OPCML: variants seen among roughly 807,000 people sequenced by gnomAD.
OPCML encodes the protein opioid binding protein/cell adhesion molecule like, also known as opioid-binding protein/cell adhesion molecule.
Under a neutral mutation model 37.8 loss-of-function variants are expected in OPCML, and 13 were observed. The ratio of observed to expected loss-of-function variants is 0.34; its 90% CI spans 0.22 to 0.55. The LOEUF (loss-of-function observed/expected upper bound fraction) is 0.55, where lower values mean the gene tolerates loss of function less well. Among genes scored for constraint, OPCML ranks in the 20% least tolerant of loss-of-function variants. The pLI is 0.91. For missense variants in OPCML, 341 were observed against 435.6 expected (o/e 0.78, Z 1.93); for synonymous variants, 176 against 168.8 (o/e 1.04, Z -0.33).
At chr11:133,325,000 T>C (rs373902468) in intron 1 of OPCML, among the ~76,000 whole-genome samples, 7 of 152,190 alleles carry the variant, frequency 4.6e-5, no homozygotes, top group African/African-American at 1.4e-4. Flanking sequence ...ACTGCATCTA[T>C]GATGAGGATT....
At chr11:133,087,991 G>A (rs961919388) in intron 1 of OPCML, among the ~76,000 whole-genome samples, 2 of 152,144 alleles carry the variant, frequency 1.3e-5, no homozygotes, top group Admixed American at 1.3e-4. Context: ...TGTGTAGCAC[G>A]ATAAAATAAA....
chr11:132,506,887 G>A (rs1297021542), intron 4 of OPCML, among the ~76,000 whole-genome samples: 2 of 151,538 alleles, frequency 1.3e-5, no homozygotes, highest in Non-Finnish European at 2.9e-5. Flanking sequence ...CCTGCAAGTG[G>A]GTTAAACTCC....
chr11:132,829,185 C>G (rs1252756020), intron 2 of OPCML, among the ~76,000 whole-genome samples: 1 of 152,144 alleles, frequency 6.6e-6, no homozygotes, highest in Non-Finnish European at 1.5e-5. Context: ...CAAGTATAAT[C>G]TGGTATCTCT....
At chr11:132,676,125 G>C (rs1300956408) in intron 2 of OPCML, among the ~76,000 whole-genome samples, 2 of 152,152 alleles carry the variant, frequency 1.3e-5, no homozygotes, top group African/African-American at 4.8e-5. Context: ...TGAGAATTCA[G>C]AAATAAACTC....
At chr11:132,891,369 C>G (rs1943642298) in intron 2 of OPCML, among the ~76,000 whole-genome samples, 1 of 152,158 alleles carries the variant, frequency 6.6e-6, no homozygotes, top group South Asian at 2.1e-4. Context: ...CCCTTTTCAA[C>G]CTTTCTTGCC....
chr11:132,441,933 C>A (rs2096037135), intron 4 of OPCML, among the ~76,000 whole-genome samples: 1 of 152,074 alleles, frequency 6.6e-6, no homozygotes, highest in South Asian at 2.1e-4. Flanking sequence ...ATACAAAGAG[C>A]ATGAAACATC....
At chr11:132,973,620 C>T (rs1016525993) in intron 1 of OPCML, among the ~76,000 whole-genome samples, 5 of 152,158 alleles carry the variant, frequency 3.3e-5, no homozygotes, top group African/African-American at 1.2e-4. Context: ...AGAAGTCAAG[C>T]ACAGTTAAGG....
chr11:133,427,849 T>C (rs572478305), intron 1 of OPCML, among the ~76,000 whole-genome samples: 1 of 152,144 alleles, frequency 6.6e-6, no homozygotes. Flanking sequence ...CTTAGGAGCG[T>C]ATACTCTCCA....
chr11:133,318,714 C>A (rs553321741), intron 1 of OPCML, among the ~76,000 whole-genome samples: 1 of 152,110 alleles, frequency 6.6e-6, no homozygotes, highest in Non-Finnish European at 1.5e-5. Context: ...CACGCTACAG[C>A]GGTTACTGGC....
intron 4 of OPCML, among the ~76,000 whole-genome samples, chr11:132,490,820 G>GAA (rs531599212): frequency 1.7e-5 from 2 of 117,912 alleles, no homozygotes; most frequent in African/African-American, 3.0e-5. Flanking sequence ...CAAAAAAAAA[G>GAA]AAAAAAAAAA....
intron 1 of OPCML, among the ~76,000 whole-genome samples, chr11:133,352,409 T>C (rs1057146868): frequency 2.0e-5 from 3 of 152,234 alleles, no homozygotes; most frequent in African/African-American, 7.2e-5. Context: ...AGTTGTTTTC[T>C]TCTCACACTA....
intron 1 of OPCML, among the ~76,000 whole-genome samples, chr11:133,371,105 A>G (rs1243415376): frequency 1.3e-5 from 2 of 152,182 alleles, no homozygotes; most frequent in Admixed American, 6.5e-5. Flanking sequence ...ACAAATCACA[A>G]CCACAATAAG....
At chr11:133,433,581 C>G (rs1483068110) in intron 1 of OPCML, among the ~76,000 whole-genome samples, 1 of 152,130 alleles carries the variant, frequency 6.6e-6, no homozygotes, top group Admixed American at 6.5e-5. Flanking sequence ...TGAAGTCTTA[C>G]CAACCTATGT....
chr11:133,328,691 T>A (rs1279981986), intron 1 of OPCML, among the ~76,000 whole-genome samples: 2 of 152,126 alleles, frequency 1.3e-5, no homozygotes, highest in Non-Finnish European at 2.9e-5. Context: ...CTCAAAATAA[T>A]AAGAGCTATC....
intron 1 of OPCML, among the ~76,000 whole-genome samples, chr11:133,431,912 A>G (rs1946127268): frequency 6.6e-6 from 1 of 151,744 alleles, no homozygotes; most frequent in East Asian, 1.9e-4. Context: ...TATACAGGTA[A>G]AAAATTGGAA....
At chr11:133,488,191 T>C (rs1037298054) in intron 1 of OPCML, among the ~76,000 whole-genome samples, 1 of 152,040 alleles carries the variant, frequency 6.6e-6, no homozygotes, top group African/African-American at 2.4e-5. Flanking sequence ...GCATTCCCTC[T>C]AAGAAATGGA....
intron 3 of OPCML, among the ~76,000 whole-genome samples, chr11:132,550,355 C>T (rs1354714259): frequency 6.6e-6 from 1 of 152,092 alleles, no homozygotes; most frequent in East Asian, 1.9e-4. Flanking sequence ...GCCATTCCCT[C>T]GGTGCTGTCC....
intron 2 of OPCML, among the ~76,000 whole-genome samples, chr11:132,942,424 T>A (rs1300753217): frequency 2.0e-5 from 3 of 152,068 alleles, no homozygotes; most frequent in African/African-American, 7.2e-5. Context: ...TTGGCACGAG[T>A]GCTGGGTCTT....
chr11:132,978,928 A>T (rs1357324548), intron 1 of OPCML, among the ~76,000 whole-genome samples: 2 of 152,142 alleles, frequency 1.3e-5, no homozygotes, highest in Non-Finnish European at 1.5e-5. Flanking sequence ...AAAATTGAAC[A>T]TGTGCAAACC....
Sources: allele counts gnomAD v4.1 joint callset (sites outside exome capture counted in the v4.1 genomes callset), GRCh38; gene constraint gnomAD v4.1.1; transcripts MANE v1.5; gene names NCBI Gene and HGNC (gene_info 2026-07-23, HGNC 2026-07-21).